The following DIP2C variants were observed in gnomAD, a reference collection of about 807,000 sequenced individuals.
The protein encoded by DIP2C is disco-interacting protein 2 homolog C.
A neutral mutation model predicts 192.4 loss-of-function variants in DIP2C; 33 were observed. That is an observed-to-expected ratio of 0.17 (90% CI 0.13 to 0.23). The LOEUF (loss-of-function observed/expected upper bound fraction) is 0.23. Among genes scored for constraint, DIP2C ranks in the 10% least tolerant of loss-of-function variants. The pLI, the probability that DIP2C is intolerant of heterozygous loss-of-function variation, is 1.00. For missense variants in DIP2C, 1,537 were observed against 2,110.1 expected, an observed-to-expected ratio of 0.73 and a Z score of 5.32; for synonymous variants, 979 against 864.1, an observed-to-expected ratio of 1.13 and a Z score of -2.33.
At chr10:554,273 CTG>C (rs1164534018) in intron 1 of DIP2C, among the ~76,000 whole-genome samples, 1 of 152,146 alleles carries the variant, frequency 6.6e-6, no homozygotes, top group Non-Finnish European at 1.5e-5. Flanking sequence ...ATGCTTGTAA[CTG>C]TAAGAGTGGT....
intron 23 of DIP2C, 53 bp from the exon 24 acceptor site, chr10:356,559 G>A (rs1269747248): frequency 1.3e-6 from 2 of 1,527,550 alleles, no homozygotes; most frequent in East Asian, 2.3e-5. Context: ...ATCAGGCTGT[G>A]CGGGCTGAGG....
intron 18 of DIP2C, among the ~76,000 whole-genome samples, chr10:367,924 G>A (rs1033478558): frequency 6.6e-6 from 1 of 151,352 alleles, no homozygotes; most frequent in Non-Finnish European, 1.5e-5. Context: ...ACGGGGGCCC[G>A]GGAAGCCCGC....
chr10:618,918 G>C (rs891932536), intron 1 of DIP2C, among the ~76,000 whole-genome samples: 3 of 152,194 alleles, frequency 2.0e-5, no homozygotes, highest in African/African-American at 7.2e-5. Flanking sequence ...AACCTGAAAG[G>C]ACAGGTCTGT....
intron 13 of DIP2C, among the ~76,000 whole-genome samples, chr10:389,130 G>A (rs565441221): frequency 6.7e-6 from 1 of 149,974 alleles, no homozygotes; most frequent in South Asian, 2.2e-4. Flanking sequence ...GGCATCCCAA[G>A]GGATCTCAGG....
intron 1 of DIP2C, among the ~76,000 whole-genome samples, chr10:598,988 G>A (rs548575139): frequency 9.2e-5 from 14 of 152,354 alleles, no homozygotes; most frequent in East Asian, 7.7e-4. Context: ...GCACAGGCAC[G>A]GCCCCCGGGC....
chr10:675,043 A>G (rs1830825968), intron 1 of DIP2C, among the ~76,000 whole-genome samples: 1 of 152,082 alleles, frequency 6.6e-6, no homozygotes, highest in African/African-American at 2.4e-5. Flanking sequence ...ATGCTAGGCT[A>G]CAAAATAAGT....
intron 1 of DIP2C, among the ~76,000 whole-genome samples, chr10:586,777 G>C (rs1231647784): frequency 6.6e-6 from 1 of 152,254 alleles, no homozygotes. Context: ...ATCTCAGATA[G>C]ATAATGGCTT....
intron 1 of DIP2C, among the ~76,000 whole-genome samples, chr10:534,214 C>A (rs1847570649): frequency 1.3e-5 from 2 of 152,334 alleles, no homozygotes; most frequent in Middle Eastern, 3.4e-3. Flanking sequence ...ACAACTCCCA[C>A]CCATGCTGGA....
At chr10:346,342 GA>G (rs1958451877) in intron 26 of DIP2C, among the ~76,000 whole-genome samples, 1 of 59,420 alleles carries the variant, frequency 1.7e-5, no homozygotes, top group Non-Finnish European at 3.1e-5. Flanking sequence ...AGTTCTCCCG[GA>G]AACCCCACAC....
intron 2 of DIP2C, among the ~76,000 whole-genome samples, chr10:483,536 G>A (rs1239259128): frequency 6.6e-6 from 1 of 152,188 alleles, no homozygotes; most frequent in African/African-American, 2.4e-5. Context: ...CTGGTGTCTG[G>A]GCCTCAATCA....
Position 363,100 on chromosome 10 carries a change from TG to T in DIP2C, c.2592+96del. On this transcript the variant is annotated intron_variant, in intron 21 of 36. Transcript: ENST00000280886. This position sits in a 1 kb window ranked among gnomAD's most constrained non-coding sequence, Gnocchi z 5.4. ...AGGGAAGGGAAAAAGGGCCACCCCA[TG>T]GGCAAAGCAACAGCTGGTCACACCA... is the stretch of plus-strand genomic sequence containing the variant. The T allele has an allele frequency of 9.1e-7, 1 of 1,099,804 alleles. No individual in the cohort carries two copies. The highest frequency in any genetic ancestry group is 1.3e-6 in the Non-Finnish European group (1 of 762,178). 68.1% of individuals were successfully genotyped at this position (1,099,804 alleles called of 1,614,324 possible).
chr10:561,974 A>G (rs987502117), intron 1 of DIP2C, among the ~76,000 whole-genome samples: 2 of 152,228 alleles, frequency 1.3e-5, no homozygotes, highest in African/African-American at 4.8e-5. Context: ...CGGGCCGTGC[A>G]CCTGTTCCTA....
In DIP2C at chr10:418,986, C is replaced by T. The variant is rs1347625926; in HGVS notation, c.739+79G>A. ...ACCGATTGTACCCCAGGAAGAAACA[C>T]ATCCAGTCATGGGCACGGAACGGGA... On this transcript the variant is annotated intron_variant, in intron 6 of 36. Coordinates refer to ENST00000280886, the MANE Select transcript of DIP2C (RefSeq NM_014974.3). 36 of 1,584,488 alleles carry T rather than the reference C, an allele frequency of 2.3e-5. 1 individual carries two copies. The highest frequency in any genetic ancestry group is 2.9e-5 in the Non-Finnish European group (34 of 1,162,214).
chr10:397,419 A>G (rs1216397537), intron 10 of DIP2C, among the ~76,000 whole-genome samples: 1 of 151,898 alleles, frequency 6.6e-6, no homozygotes, highest in East Asian at 1.9e-4. Context: ...AATCTCAGCT[A>G]CTCAGGAGGC....
At chr10:341,431 G>A (rs1474617128) in intron 28 of DIP2C, 102 bp from the exon 29 acceptor site, 38 of 1,513,720 alleles carry the variant, frequency 2.5e-5, no homozygotes, top group African/African-American at 5.5e-5. Flanking sequence ...TGAACGCATC[G>A]GACCTGACAC....
At chr10:578,018 A>T (rs1424922386) in intron 1 of DIP2C, among the ~76,000 whole-genome samples, 1 of 152,128 alleles carries the variant, frequency 6.6e-6, no homozygotes, top group Non-Finnish European at 1.5e-5. Context: ...ACTAAGTACT[A>T]ATTTTAAAAA....
intron 1 of DIP2C, among the ~76,000 whole-genome samples, chr10:531,613 C>T (rs549477060): frequency 5.9e-5 from 9 of 152,260 alleles, no homozygotes; most frequent in South Asian, 2.1e-4. Context: ...AGGCCGAGCT[C>T]GGGAAAGGCG....
intron 10 of DIP2C, among the ~76,000 whole-genome samples, chr10:395,812 G>T (rs993404576): frequency 6.6e-6 from 1 of 152,188 alleles, no homozygotes; most frequent in African/African-American, 2.4e-5. Flanking sequence ...TCCTGTCCCC[G>T]TGTCCTCATC....
intron 1 of DIP2C, among the ~76,000 whole-genome samples, chr10:573,309 G>C (rs1015380713): frequency 1.3e-5 from 2 of 152,108 alleles, no homozygotes; most frequent in Non-Finnish European, 2.9e-5. Context: ...AAAAAACAGG[G>C]ATGATTAAGA....
Sources: gnomAD v4.1 joint callset for allele counts (sites outside exome capture counted in the v4.1 genomes callset) on GRCh38, gnomAD v4.1.1 for gene constraint, Gnocchi (gnomAD v3.1) non-coding constraint, MANE v1.5 for transcripts, NCBI Gene and HGNC (gene_info 2026-07-23, HGNC 2026-07-21) for gene names.